CCT3: variants seen among roughly 807,000 people sequenced by gnomAD.
CCT3 encodes the protein T-complex protein 1 subunit gamma.
Under a neutral mutation model 65.3 loss-of-function variants are expected in CCT3, and 10 were observed. That is an observed-to-expected ratio of 0.15 (90% confidence interval 0.09 to 0.26). The LOEUF is 0.26. Ranked by LOEUF, CCT3 falls within the 10% of genes least tolerant of loss-of-function variation. The probability of loss-of-function intolerance (pLI) is 1.00; values close to 1 mark genes in which losing one functional copy is unlikely to be tolerated. For synonymous variants in CCT3, 225 were observed against 242.3 expected, an observed-to-expected ratio of 0.93 and a Z score of 0.66; for missense variants, 626 against 708.7, an observed-to-expected ratio of 0.88 and a Z score of 1.33.
rs1664060656 is a variant in CCT3 at position 156,310,933 on chromosome 1, C to T, written c.1401+17G>A. ...TTTCCCTGCTCCATCAAGAGAAAAG[C>T]TTGGAGAGGAACTCACCCGAAGGGA... On this transcript the variant is annotated intron_variant, in intron 12 of 13. Coordinates refer to ENST00000295688, the MANE Select transcript of CCT3 (RefSeq NM_005998.5). 1.1e-5 allele frequency: 18 copies of T among 1,609,692 alleles called. No homozygotes were observed. Among genetic ancestry groups the T allele is most frequent in the Non-Finnish European group, 1.5e-5 (18 of 1,177,378 alleles).
chr1:156,318,330 CCT>C (rs1487625258), intron 8 of CCT3, among the ~76,000 whole-genome samples: 4 of 150,614 alleles, frequency 2.7e-5, no homozygotes, highest in African/African-American at 9.8e-5. Context: ...TTCAAGCAAT[CCT>C]CTCACCTCAG....
At chr1:156,312,515 T>C (rs1208103835) in intron 10 of CCT3, among the ~76,000 whole-genome samples, 1 of 151,938 alleles carries the variant, frequency 6.6e-6, no homozygotes, top group East Asian at 1.9e-4. Flanking sequence ...AAAAACTAGC[T>C]GGGCACAGTG....
At chr1:156,320,766 A>T in intron 7 of CCT3, 73 bp downstream of exon 7, 1 of 1,087,134 alleles carries the variant, frequency 9.2e-7, no homozygotes, top group Non-Finnish European at 1.4e-6. Flanking sequence ...TGAAAAACAG[A>T]CTATTTCCTC....
intron 6 of CCT3, among the ~76,000 whole-genome samples, chr1:156,324,616 T>A (rs1404204861): frequency 6.6e-6 from 1 of 151,798 alleles, no homozygotes; most frequent in East Asian, 1.9e-4. Flanking sequence ...GCATTACAGG[T>A]GTGCGCCACC....
chr1:156,328,249 G>A (rs181852150), intron 5 of CCT3, among the ~76,000 whole-genome samples: 2,915 of 128,732 alleles, frequency 0.023, 112 homozygotes, highest in African/African-American at 0.077. Context: ...GTCAGCCCCC[G>A]GCCCGGCCAG....
chr1:156,333,799 G>A (rs1665213544), intron 4 of CCT3, among the ~76,000 whole-genome samples, 156 bp from the exon 5 acceptor site: 1 of 152,172 alleles, frequency 6.6e-6, no homozygotes, highest in African/African-American at 2.4e-5. Context: ...ACCCCAAATA[G>A]CTTAAGTAAA....
At chr1:156,336,438 C>T (rs1223492882) in intron 1 of CCT3, among the ~76,000 whole-genome samples, 1 of 152,136 alleles carries the variant, frequency 6.6e-6, no homozygotes, top group African/African-American at 2.4e-5. Flanking sequence ...TCTAACAGGT[C>T]CAGCATAATT....
intron 10 of CCT3, among the ~76,000 whole-genome samples, chr1:156,312,456 T>C (rs1201044716): frequency 1.3e-5 from 2 of 152,018 alleles, no homozygotes; most frequent in African/African-American, 4.8e-5. Context: ...GCCCAGAAGT[T>C]TGAGACCAGC....
intron 13 of CCT3, among the ~76,000 whole-genome samples, chr1:156,309,981 T>C (rs908039862): frequency 1.5e-5 from 2 of 132,984 alleles, no homozygotes; most frequent in African/African-American, 3.0e-5. Context: ...GAGGCTGCAG[T>C]GAGCGGAGAC....
intron 2 of CCT3, 78 bp downstream of exon 2, chr1:156,335,749 C>G (rs1363771157): frequency 1.7e-6 from 2 of 1,194,592 alleles, no homozygotes; most frequent in Admixed American, 1.8e-5. Flanking sequence ...TCTAGATGCA[C>G]AGGACACATG....
chr1:156,336,749 A>G (rs1665391565), intron 1 of CCT3, among the ~76,000 whole-genome samples: 1 of 152,102 alleles, frequency 6.6e-6, no homozygotes, highest in Non-Finnish European at 1.5e-5. Flanking sequence ...CTCTCTCTAA[A>G]TTACCTTCCT....
intron 8 of CCT3, 116 bp downstream of exon 8, chr1:156,318,752 G>T: frequency 1.1e-6 from 1 of 906,224 alleles, no homozygotes; most frequent in Non-Finnish European, 1.7e-6. Flanking sequence ...TGTTCTAAGA[G>T]TCAGTGTACA....
intron 8 of CCT3, among the ~76,000 whole-genome samples, chr1:156,318,225 T>TTTA (rs1365722536): frequency 1.2e-5 from 1 of 81,954 alleles, no homozygotes; most frequent in Non-Finnish European, 3.1e-5. Context: ...CCCTCTAGAA[T>TTTA]TTTTTTTTTT....
At position 156,318,972 on chromosome 1, in the gene CCT3, T is replaced by G. The variant is rs1360324509; in HGVS notation, c.655A>C (p.Met219Leu). ...IEDSCVLRGV[M>L]INKDVTHPRM... ...GGATGGGTCACATCCTTGTTAATCA[T>G]GACTCCACGCAAGACACAGGAGTCT... The change falls in exon 8 of 14, where the codon ATG becomes CTG. Residue 219 changes from methionine (M) to leucine (L), a missense_variant. Transcript: ENST00000295688. 6.2e-7 allele frequency: 1 copy of G among 1,614,094 alleles called. No homozygotes were observed. The highest frequency in any genetic ancestry group is 1.7e-5 in the Admixed American group (1 of 59,996).
At chr1:156,322,586 G>A (rs1261055154) in intron 6 of CCT3, among the ~76,000 whole-genome samples, 1 of 151,990 alleles carries the variant, frequency 6.6e-6, no homozygotes, top group South Asian at 2.1e-4. Context: ...GGCCAGGCAC[G>A]GTGGCTCACG....
rs891158888 is a variant in CCT3 at position 156,321,107 on chromosome 1, A to G, written c.423-82T>C. 1.2e-5 allele frequency: 13 copies of G among 1,102,164 alleles called. No individual in the cohort carries two copies. The East Asian group carries it at 2.2e-4, about 18-fold the overall frequency. 68.3% of individuals were successfully genotyped at this position (1,102,164 alleles called of 1,614,324 possible). ...GTGCCTTATCTATACCTCAGTGACTATAATAATGGACCAAGAGGCAGAACA... is the reference window on the plus strand; with the variant it reads ...GTGCCTTATCTATACCTCAGTGACTGTAATAATGGACCAAGAGGCAGAACA... On this transcript the variant is annotated intron_variant, in intron 6 of 13. Coordinates refer to ENST00000295688, the MANE Select transcript of CCT3 (RefSeq NM_005998.5).
intron 5 of CCT3, among the ~76,000 whole-genome samples, chr1:156,330,996 G>A (rs983813394): frequency 3.3e-5 from 5 of 151,904 alleles, no homozygotes; most frequent in Admixed American, 3.3e-4. Context: ...CACTTTGGGA[G>A]GCTGAGGCAG....
chr1:156,313,230 T>C (rs1664156608), intron 10 of CCT3, among the ~76,000 whole-genome samples: 1 of 151,634 alleles, frequency 6.6e-6, no homozygotes, highest in Admixed American at 6.6e-5. Context: ...TCCCAGCTAC[T>C]TGGGAGCCTG....
intron 10 of CCT3, among the ~76,000 whole-genome samples, chr1:156,316,961 T>C (rs1664337182): frequency 6.6e-6 from 1 of 152,130 alleles, no homozygotes; most frequent in African/African-American, 2.4e-5. Flanking sequence ...TGCTCACTAA[T>C]GGTTAGGGGC....
Sources: allele counts gnomAD v4.1 joint callset (sites outside exome capture counted in the v4.1 genomes callset), GRCh38; gene constraint gnomAD v4.1.1; transcripts MANE v1.5; gene names NCBI Gene and HGNC (gene_info 2026-07-23, HGNC 2026-07-21).